The following MTF1 variants were observed in gnomAD, a reference collection of about 807,000 sequenced individuals.
MTF1 encodes the protein metal regulatory transcription factor 1, also known as MRE-binding transcription factor.
A neutral mutation model predicts 70.4 loss-of-function variants in MTF1; 22 were observed. The ratio of observed to expected loss-of-function variants is 0.31; its 90% CI spans 0.22 to 0.45. The LOEUF (loss-of-function observed/expected upper bound fraction) is 0.45. MTF1 is among the 20% of genes least tolerant of loss of function. MTF1 has a pLI of 1.00. For synonymous variants in MTF1, 333 were observed against 352.8 expected (o/e 0.94, Z 0.63); for missense variants, 649 against 922.0 (o/e 0.70, Z 3.83).
intron 2 of MTF1, among the ~76,000 whole-genome samples, chr1:37,847,518 G>A (rs1282333168): frequency 6.6e-6 from 1 of 152,198 alleles, no homozygotes; most frequent in East Asian, 1.9e-4. Context: ...CAGCATAATA[G>A]AAGTCCTCAT....
chr1:37,818,786 A>G (rs570726317), intron 9 of MTF1, among the ~76,000 whole-genome samples: 1 of 151,818 alleles, frequency 6.6e-6, no homozygotes, highest in South Asian at 2.1e-4. Flanking sequence ...CGAGGTCAGG[A>G]GATCGAGACC....
chr1:37,828,780 A>T (rs1230570264), intron 7 of MTF1, among the ~76,000 whole-genome samples: 3 of 152,228 alleles, frequency 2.0e-5, no homozygotes, highest in Non-Finnish European at 4.4e-5. Context: ...GCTTCAGGGC[A>T]AAAACGCTGG....
chr1:37,835,271 GA>G, intron 5 of MTF1, 56 bp from the exon 6 acceptor site: 1 of 1,477,904 alleles, frequency 6.8e-7, no homozygotes, highest in South Asian at 1.1e-5. Flanking sequence ...ACTGGATTAA[GA>G]AATCTACCTT....
At chr1:37,833,309 A>AG (rs1641116615) in intron 6 of MTF1, among the ~76,000 whole-genome samples, 1 of 152,244 alleles carries the variant, frequency 6.6e-6, no homozygotes, top group African/African-American at 2.4e-5. Context: ...GCTAATTAGC[A>AG]GAAGACAAAT....
rs1171697316 is a variant in MTF1 at position 37,835,734 on chromosome 1, C to T, written c.790G>A (p.Asp264Asn). The change falls in exon 5 of 11, where the codon GAT (aspartate) becomes AAT (asparagine). Residue 264 changes from aspartate (D) to asparagine (N), a missense_variant. Physicochemically the swap from Asp to Asn is conservative, Grantham distance 23. This residue lies in a region of MTF1 where 118 missense variants were observed against 287.2 expected (regional missense o/e 0.41). Transcript: ENST00000373036. ...GCTGCAAATGCTTTTCCACAGCCATCGTGATCGCACCTAAATTTGTTAAGG... is the reference window on the plus strand; with the variant it reads ...GCTGCAAATGCTTTTCCACAGCCATTGTGATCGCACCTAAATTTGTTAAGG... ...TGEKPFRCDH[D>N]GCGKAFAASH... 4 of 1,613,740 alleles carry T rather than the reference C, an allele frequency of 2.5e-6. No homozygotes were observed. The highest frequency in any genetic ancestry group is 2.2e-5 in the East Asian group (1 of 44,884).
At chr1:37,858,735 C>T (rs889419602) in intron 1 of MTF1, among the ~76,000 whole-genome samples, 8 of 152,172 alleles carry the variant, frequency 5.3e-5, no homozygotes, top group African/African-American at 1.9e-4. Flanking sequence ...AAAGACATGG[C>T]TACCTACTCT....
At position 37,859,576 on chromosome 1, in the gene MTF1, C is replaced by G; in HGVS notation, c.-97G>C. ...GCGGCAGCAGCAGCTTCTCCCCTCC[C>G]CAGCGGCACCATGATTGCCCCCACC... On this transcript the variant is annotated 5_prime_UTR_variant, in exon 1 of 11. Transcript: ENST00000373036. 1 of 399,032 alleles carries G rather than the reference C, an allele frequency of 2.5e-6. No individual in the cohort carries two copies. Among genetic ancestry groups the G allele is most frequent in the Middle Eastern group, 6.3e-4 (1 of 1,590 alleles). 24.7% of individuals were successfully genotyped at this position (399,032 alleles called of 1,614,324 possible).
chr1:37,814,284 G>A lies in MTF1; in HGVS notation c.*852C>T, dbSNP rs1170904404. 6.6e-6 allele frequency: 1 copy of A among 152,172 alleles called. No homozygotes were observed. The highest frequency in any genetic ancestry group is 6.5e-5 in the Admixed American group (1 of 15,278). 9.4% of individuals were successfully genotyped at this position (152,172 alleles called of 1,614,324 possible). On this transcript the variant is annotated 3_prime_UTR_variant, in exon 11 of 11. Coordinates refer to ENST00000373036, the MANE Select transcript of MTF1 (RefSeq NM_005955.3). ...GACCACCAAACAGCACTGGCCATAA[G>A]CCACAAGTTCACTCTAGGACAAAAC...
intron 7 of MTF1, among the ~76,000 whole-genome samples, chr1:37,825,981 G>A (rs1640996306): frequency 6.6e-6 from 1 of 152,318 alleles, no homozygotes. Flanking sequence ...GGATTTGGTT[G>A]TGCAGGGGGT....
intron 10 of MTF1, among the ~76,000 whole-genome samples, chr1:37,816,986 G>A (rs1640827882): frequency 6.6e-6 from 1 of 152,116 alleles, no homozygotes; most frequent in African/African-American, 2.4e-5. Context: ...AATTTTTCTG[G>A]GTCCCAGTGT....
chr1:37,859,122 G>C (rs1641554241), intron 1 of MTF1, among the ~76,000 whole-genome samples: 1 of 152,224 alleles, frequency 6.6e-6, no homozygotes, highest in South Asian at 2.1e-4. Flanking sequence ...AGAGCACCGA[G>C]GGCCCCAGTG....
intron 2 of MTF1, among the ~76,000 whole-genome samples, chr1:37,846,112 A>G (rs1641328746): frequency 6.6e-6 from 1 of 152,188 alleles, no homozygotes; most frequent in Non-Finnish European, 1.5e-5. Flanking sequence ...TCATTCATAC[A>G]TCCTAAAAAT....
At chr1:37,855,233 T>C (rs1248731617) in intron 2 of MTF1, among the ~76,000 whole-genome samples, 1 of 152,188 alleles carries the variant, frequency 6.6e-6, no homozygotes, top group Non-Finnish European at 1.5e-5. Flanking sequence ...TGGACTGTTC[T>C]GTGGGAGAAA....
rs201100762 is a variant in MTF1, at chr1:37,845,873, A to T, written c.409-5715T>A. 2.6e-5 allele frequency among the ~76,000 whole-genome samples: 4 copies of T among 152,310 alleles called. No individual in the cohort carries two copies. In the East Asian group the frequency reaches 7.7e-4, roughly 29 times the overall value. On this transcript the variant is annotated intron_variant, in intron 2 of 10. Transcript: ENST00000373036. Reference sequence around the variant, plus strand: ...CAAAGCAAATGCGTGCTCCCCCCATAAAATGCTGAATAAATGAGTAATCTC... The same window carrying T: ...CAAAGCAAATGCGTGCTCCCCCCATTAAATGCTGAATAAATGAGTAATCTC...
At chr1:37,824,271 G>T (rs980597288) in intron 7 of MTF1, among the ~76,000 whole-genome samples, 1 of 152,150 alleles carries the variant, frequency 6.6e-6, no homozygotes, top group Non-Finnish European at 1.5e-5. Flanking sequence ...TGCTACTTTT[G>T]CTACAATGGC....
intron 8 of MTF1, 139 bp downstream of exon 8, chr1:37,823,571 T>G: frequency 1.8e-6 from 1 of 562,998 alleles, no homozygotes. Flanking sequence ...AAAGATGGAA[T>G]TAAACTGAAA....
Position 37,814,784 on chromosome 1 carries a change from G to A in MTF1, c.*352C>T, listed in dbSNP as rs1486259912. On this transcript the variant is annotated 3_prime_UTR_variant, in exon 11 of 11. Coordinates refer to ENST00000373036, the MANE Select transcript of MTF1 (RefSeq NM_005955.3). ...ACAAAGACCCCAGTGCAAGCGATGG[G>A]CAGCATCAGATTGATGGAAACCACA... 1.3e-5 allele frequency: 3 copies of A among 232,312 alleles called. No homozygotes were observed. The highest frequency in any genetic ancestry group is 5.9e-5 in the South Asian group (1 of 17,014). 14.4% of individuals were successfully genotyped at this position (232,312 alleles called of 1,614,324 possible).
rs2148395463 is a variant in MTF1 at position 37,811,904 on chromosome 1, G to C, written c.*3232C>G. 1 of 152,772 alleles carries C rather than the reference G, an allele frequency of 6.5e-6. No individual in the cohort carries two copies. The highest frequency in any genetic ancestry group is 2.1e-4 in the South Asian group (1 of 4,826). 9.5% of individuals were successfully genotyped at this position (152,772 alleles called of 1,614,324 possible). ...CCATGAGACTGGCCAGACCCTGCCA[G>C]CAAAGACTGGGCCACCTTCCCTCAA... On this transcript the variant is annotated 3_prime_UTR_variant, in exon 11 of 11. Transcript: ENST00000373036.
At position 37,809,802 on chromosome 1, in the gene MTF1, G is replaced by A. The variant is rs1288786297; in HGVS notation, c.*5334C>T. 1 of 152,558 alleles carries A rather than the reference G, an allele frequency of 6.6e-6. No homozygotes were observed. The highest frequency in any genetic ancestry group is 1.5e-5 in the Non-Finnish European group (1 of 68,038). 9.5% of individuals were successfully genotyped at this position (152,558 alleles called of 1,614,324 possible). A position where few individuals can be genotyped will look rare whatever the true frequency, so the allele number is the denominator to read the frequency against. On this transcript the variant is annotated 3_prime_UTR_variant, in exon 11 of 11. Coordinates refer to ENST00000373036, the MANE Select transcript of MTF1 (RefSeq NM_005955.3). ...CCTTTGGAAGTACTGAACCTGTAAC[G>A]TTTTCACATCGCTCAGTGGAAGTCC...
Sources: gnomAD v4.1 joint callset for allele counts (sites outside exome capture counted in the v4.1 genomes callset) on GRCh38, gnomAD v4.1.1 for gene constraint, gnomAD v4.1.1 regional missense constraint, MANE v1.5 for transcripts, NCBI Gene and HGNC (gene_info 2026-07-23, HGNC 2026-07-21) for gene names.